The following RGS5 variants were observed in gnomAD, a reference collection of about 807,000 sequenced individuals.
RGS5 encodes the protein regulator of G-protein signalling 5.
A neutral mutation model predicts 18.9 loss-of-function variants in RGS5; 20 were observed. The observed-to-expected ratio is 1.06, with a 90% CI of 0.74 to 1.54. The LOEUF is 1.54. Ranked by LOEUF, RGS5 falls within the 40% of genes most tolerant of loss-of-function variation. RGS5 has a pLI of 0.00. For synonymous variants in RGS5, 57 were observed against 76.2 expected, an observed-to-expected ratio of 0.75 and a Z score of 1.31; for missense variants, 201 against 211.8, an observed-to-expected ratio of 0.95 and a Z score of 0.32.
Position 163,245,944 on chromosome 1 carries a change from T to A in RGS5, c.-281+60289A>T, listed in dbSNP as rs527797651. Among the ~76,000 whole-genome samples, 8 of 152,300 alleles carry A rather than the reference T, an allele frequency of 5.3e-5. 1 individual carries two copies. The South Asian group carries it at 6.2e-4, about 12-fold the overall frequency. On this transcript the variant is annotated intron_variant, in intron 2 of 5. Transcript: ENST00000618415. ...TGAGAAAGAATACCAGTCCGGGGGC[T>A]GTGGCTCACGCCTGTAATCCCAGCA...
Position 163,152,603 on chromosome 1 carries a change from C to T in RGS5, c.331G>A (p.Glu111Lys), listed in dbSNP as rs2102383450. Reference protein sequence around the residue: ...KKIKSPAKMAEKAKQIYEEFI... With the variant: ...KKIKSPAKMAKKAKQIYEEFI... ...TCTTCATAAATTTGCTTTGCCTTCT[C>T]AGCCATCTTGGCAGGGGACTTGATC... Residue 111 changes from glutamate to lysine, a missense_variant, in exon 4 of 5, where the codon GAG becomes AAG. Glu to Lys is a moderately conservative substitution (Grantham distance 56). Coordinates refer to ENST00000313961, the MANE Select transcript of RGS5 (RefSeq NM_003617.4). The T allele has an allele frequency of 6.2e-7, 1 of 1,612,958 alleles. No homozygotes were observed. The highest frequency in any genetic ancestry group is 2.2e-5 in the East Asian group (1 of 44,856).
chr1:163,232,705 T>C (rs866090357), intron 2 of RGS5, among the ~76,000 whole-genome samples: 9 of 152,300 alleles, frequency 5.9e-5, no homozygotes, highest in South Asian at 2.1e-4. Context: ...TTAAATACTA[T>C]AGGAATCCTG....
At chr1:163,245,969 A>G (rs1647918672) in intron 2 of RGS5, among the ~76,000 whole-genome samples, 1 of 152,228 alleles carries the variant, frequency 6.6e-6, no homozygotes, top group Admixed American at 6.5e-5. Context: ...TAATCCCAGC[A>G]TTTTGGGAGG....
At position 163,163,045 on chromosome 1, in the gene RGS5, G is replaced by C. The variant is rs868798792; in HGVS notation, c.156-1069C>G. Among the ~76,000 whole-genome samples the C allele has an allele frequency of 5.3e-5, 8 of 151,068 alleles. No homozygotes were observed. The East Asian group carries it at 7.9e-4, about 15-fold the overall frequency. ...TTTTTATACAATGATATTTCGGGGG[G>C]GGGGGTGGTTAATTATTCAGATTTG... On this transcript the variant is annotated intron_variant, in intron 2 of 4. Coordinates refer to ENST00000313961, the MANE Select transcript of RGS5 (RefSeq NM_003617.4).
At chr1:163,286,199 C>T (rs1271798559) in intron 2 of RGS5, among the ~76,000 whole-genome samples, 1 of 151,692 alleles carries the variant, frequency 6.6e-6, no homozygotes, top group Non-Finnish European at 1.5e-5. Context: ...ACAGCATTTA[C>T]ATTGTATTAG....
At chr1:163,242,188 G>C (rs1038625028) in intron 2 of RGS5, among the ~76,000 whole-genome samples, 1 of 152,136 alleles carries the variant, frequency 6.6e-6, no homozygotes, top group East Asian at 1.9e-4. Context: ...GCTCCTTGAG[G>C]ATAGAGAGAT....
At chr1:163,313,185 T>C (rs1649920871) in intron 1 of RGS5, among the ~76,000 whole-genome samples, 1 of 152,184 alleles carries the variant, frequency 6.6e-6, no homozygotes, top group South Asian at 2.1e-4. Flanking sequence ...AAAGAAATAA[T>C]GTCAAAATTA....
At chr1:163,172,676 C>G (rs1571237976) in intron 1 of RGS5, 1 of 1,432,296 alleles carries the variant, frequency 7.0e-7, no homozygotes, top group East Asian at 2.5e-5. Context: ...GGTATAGGCT[C>G]AAGTATAGAG....
At chr1:163,214,234 C>T (rs371069461) in intron 1 of RGS5, among the ~76,000 whole-genome samples, 4 of 152,144 alleles carry the variant, frequency 2.6e-5, no homozygotes, top group East Asian at 3.9e-4. Flanking sequence ...GGTTCTCACA[C>T]AGGAGAGACA....
At chr1:163,184,571 C>T (rs946017242) in intron 1 of RGS5, among the ~76,000 whole-genome samples, 5 of 152,064 alleles carry the variant, frequency 3.3e-5, no homozygotes, top group Non-Finnish European at 7.4e-5. Context: ...AGGGACTTTG[C>T]AGAAGTGATA....
rs562696546 is a variant in RGS5 at position 163,217,405 on chromosome 1, G to C, written c.69+121C>G. 3.8e-6 allele frequency: 4 copies of C among 1,064,512 alleles called. No individual in the cohort carries two copies. In the East Asian group the frequency reaches 8.8e-5, roughly 23 times the overall value. 65.9% of individuals were successfully genotyped at this position (1,064,512 alleles called of 1,614,324 possible). A position where few individuals can be genotyped will look rare whatever the true frequency, so the allele number is the denominator to read the frequency against. Reference sequence around the variant, plus strand: ...GCACTTTTCCTCCCATCAAAGAGAAGAAATTTGGGCCCTAAAATAGAGCAC... The same window carrying C: ...GCACTTTTCCTCCCATCAAAGAGAACAAATTTGGGCCCTAAAATAGAGCAC... On this transcript the variant is annotated intron_variant, in intron 1 of 5. Transcript: ENST00000367903.
chr1:163,169,110 C>G (rs1341476537), intron 1 of RGS5, among the ~76,000 whole-genome samples: 1 of 150,604 alleles, frequency 6.6e-6, no homozygotes, highest in Non-Finnish European at 1.5e-5. Flanking sequence ...AGAACATGTG[C>G]TGTTTGGTTT....
At chr1:163,217,844 T>C (rs1017444634), upstream of RGS5, among the ~76,000 whole-genome samples, 1 of 152,186 alleles carries the variant, frequency 6.6e-6, no homozygotes, top group Admixed American at 6.5e-5. Flanking sequence ...TTATTTGGAA[T>C]GTAAACTAAC....
At position 163,152,533 on chromosome 1, in the gene RGS5, C is replaced by G; in HGVS notation, c.384+17G>C. 1.9e-6 allele frequency: 3 copies of G among 1,602,908 alleles called. No homozygotes were observed. Among genetic ancestry groups the G allele is most frequent in the Non-Finnish European group, 2.6e-6 (3 of 1,175,384 alleles). On this transcript the variant is annotated intron_variant, in intron 4 of 4. Transcript: ENST00000313961. Reference sequence around the variant, plus strand: ...TAATGAGCTGCCCTTAACTGACCCACCTACCCAGAGACCAACCTCTTTAGG... The same window carrying G: ...TAATGAGCTGCCCTTAACTGACCCAGCTACCCAGAGACCAACCTCTTTAGG...
intron 1 of RGS5, among the ~76,000 whole-genome samples, chr1:163,178,970 T>G (rs755822065): frequency 1.3e-5 from 2 of 152,220 alleles, no homozygotes; most frequent in Non-Finnish European, 2.9e-5. Context: ...AAGTAACGTG[T>G]TGAATTGTGT....
intron 1 of RGS5, among the ~76,000 whole-genome samples, chr1:163,307,098 T>C (rs936674007): frequency 5.9e-5 from 9 of 152,194 alleles, no homozygotes; most frequent in Non-Finnish European, 8.8e-5. Context: ...GAACAACTCC[T>C]ATAAGAGGTG....
intron 2 of RGS5, among the ~76,000 whole-genome samples, chr1:163,283,004 C>T (rs1649036714): frequency 6.6e-6 from 1 of 152,034 alleles, no homozygotes; most frequent in Non-Finnish European, 1.5e-5. Flanking sequence ...GACTGGAGTA[C>T]ATTATGTTAA....
At chr1:163,172,336 A>G (rs1034321744) in intron 1 of RGS5, among the ~76,000 whole-genome samples, 2 of 152,216 alleles carry the variant, frequency 1.3e-5, no homozygotes, top group Admixed American at 6.5e-5. Context: ...TTACTATTTC[A>G]GAATGCATTT....
chr1:163,225,446 T>C (rs1041145690), intron 2 of RGS5, among the ~76,000 whole-genome samples: 2 of 152,128 alleles, frequency 1.3e-5, no homozygotes, highest in Non-Finnish European at 1.5e-5. Flanking sequence ...AAGTCTTGTG[T>C]TTGGTTTTGA....
Sources: allele counts gnomAD v4.1 joint callset (sites outside exome capture counted in the v4.1 genomes callset), GRCh38; gene constraint gnomAD v4.1.1; transcripts MANE v1.5; gene names NCBI Gene and HGNC (gene_info 2026-07-23, HGNC 2026-07-21).